Variants in RRAGD observed in about 807,000 individuals in gnomAD.
RRAGD encodes Ras related GTP binding D.
RRAGD carries 12 observed loss-of-function variants against 35.5 expected under a neutral mutation model. The ratio of observed to expected loss-of-function variants is 0.34; its 90% confidence interval spans 0.22 to 0.55. The LOEUF (loss-of-function observed/expected upper bound fraction) is 0.55, where lower values mean the gene tolerates loss of function less well. Ranked by LOEUF, RRAGD falls within the 20% of genes least tolerant of loss-of-function variation. The probability of loss-of-function intolerance (pLI) is 0.91; values close to 1 mark genes in which losing one functional copy is unlikely to be tolerated. For synonymous variants in RRAGD, 155 were observed against 178.9 expected (o/e 0.87, Z 1.07); for missense variants, 324 against 490.1 (o/e 0.66, Z 3.20).
In RRAGD at chr6:89,380,056, G is replaced by C. The variant is rs1471993319; in HGVS notation, c.644+112C>G. On this transcript the variant is annotated intron_variant, in intron 3 of 6. Coordinates refer to ENST00000369415, the MANE Select transcript of RRAGD (RefSeq NM_021244.5). ...CCTATCCATCTACAGCATGAAACAG[G>C]GTAAAAAGAAGGTAAATTACTGCCC... is the stretch of plus-strand genomic sequence containing the variant. The C allele has an allele frequency of 4.6e-6, 4 of 871,312 alleles. No homozygotes were observed. The East Asian group carries it at 7.3e-5, about 16-fold the overall frequency. 54.0% of individuals were successfully genotyped at this position (871,312 alleles called of 1,614,324 possible). A position where few individuals can be genotyped will look rare whatever the true frequency, so the allele number is the denominator to read the frequency against.
intron 1 of RRAGD, among the ~76,000 whole-genome samples, chr6:89,392,480 G>GAAAA (rs35934225): frequency 4.2e-5 from 6 of 142,078 alleles, no homozygotes; most frequent in South Asian, 2.2e-4. Context: ...ACCCTGTCTC[G>GAAAA]AAAAAAAAAA....
intron 1 of RRAGD, among the ~76,000 whole-genome samples, chr6:89,402,501 G>A (rs1013860649): frequency 6.6e-6 from 1 of 152,162 alleles, no homozygotes; most frequent in African/African-American, 2.4e-5. Flanking sequence ...GTGGAAACAG[G>A]ACTTGTGAGT....
intron 2 of RRAGD, 133 bp downstream of exon 2, chr6:89,387,162 T>C: frequency 1.1e-6 from 1 of 899,002 alleles, no homozygotes; most frequent in South Asian, 1.7e-5. Context: ...TTTGGCAAAG[T>C]CTGAGAGCCC....
intron 5 of RRAGD, among the ~76,000 whole-genome samples, chr6:89,376,312 T>G (rs59519142): frequency 1.4e-5 from 2 of 138,748 alleles, no homozygotes; most frequent in African/African-American, 5.6e-5. Flanking sequence ...TGTGTGTGTG[T>G]GTGTGTGTGT....
At chr6:89,396,688 G>A (rs1177081420) in intron 1 of RRAGD, among the ~76,000 whole-genome samples, 2 of 150,116 alleles carry the variant, frequency 1.3e-5, no homozygotes, top group African/African-American at 2.5e-5. Context: ...CAAAGTGCTG[G>A]GATTACAGGC....
At chr6:89,389,909 C>G (rs1404239239) in intron 1 of RRAGD, among the ~76,000 whole-genome samples, 1 of 152,118 alleles carries the variant, frequency 6.6e-6, no homozygotes, top group East Asian at 1.9e-4. Flanking sequence ...TAAATGAGAT[C>G]AAGGACCTAA....
chr6:89,394,359 G>A (rs561125769), intron 1 of RRAGD, among the ~76,000 whole-genome samples: 80 of 152,138 alleles, frequency 5.3e-4, no homozygotes, highest in African/African-American at 1.9e-3. Context: ...AATTACCTAT[G>A]AAAGAACTAG....
chr6:89,381,385 C>T (rs73752751), intron 2 of RRAGD, among the ~76,000 whole-genome samples: 147 of 152,286 alleles, frequency 9.7e-4, no homozygotes, highest in African/African-American at 3.4e-3. Context: ...CTTCCCATGC[C>T]TATATAATGA....
intron 1 of RRAGD, among the ~76,000 whole-genome samples, chr6:89,391,397 A>AT (rs1769230298): frequency 6.6e-6 from 1 of 152,010 alleles, no homozygotes; most frequent in African/African-American, 2.4e-5. Flanking sequence ...AAAAAAAAAA[A>AT]ATACAATGGA....
rs1582500566 is a variant in RRAGD at position 89,368,261 on chromosome 6, T to C, written c.1052-54A>G. The C allele has an allele frequency of 1.9e-6, 3 of 1,553,074 alleles. No individual in the cohort carries two copies. In the East Asian group the frequency reaches 6.7e-5, roughly 35 times the overall value. On this transcript the variant is annotated intron_variant, in intron 6 of 6. Coordinates refer to ENST00000369415, the MANE Select transcript of RRAGD (RefSeq NM_021244.5). ...ATGTCACGTAGAAATAATCTCCATC[T>C]TTTCATGGGACCCATGGCCAGGACA...
intron 6 of RRAGD, among the ~76,000 whole-genome samples, chr6:89,371,313 A>T (rs1360656216): frequency 6.6e-6 from 1 of 151,806 alleles, no homozygotes. Flanking sequence ...ACATGGTGAG[A>T]CCCCAATCTC....
chr6:89,396,728 A>ATTTTTTTTTTTTTTTT (rs1160973684), intron 1 of RRAGD, among the ~76,000 whole-genome samples: 1 of 76,392 alleles, frequency 1.3e-5, no homozygotes, highest in African/African-American at 7.6e-5. Flanking sequence ...CAATGACCCA[A>ATTTTTTTTTTTTTTTT]TTTTTTTTTT....
chr6:89,370,684 T>G (rs1277545432), intron 6 of RRAGD, among the ~76,000 whole-genome samples: 1 of 152,144 alleles, frequency 6.6e-6, no homozygotes, highest in East Asian at 1.9e-4. Context: ...CATAGATGTC[T>G]GAAAATAGAA....
chr6:89,374,762 T>C (rs1768908643), intron 5 of RRAGD, among the ~76,000 whole-genome samples: 2 of 150,752 alleles, frequency 1.3e-5, no homozygotes, highest in African/African-American at 2.4e-5. Flanking sequence ...TGGAAGTTCG[T>C]ATTTTTTGTT....
At chr6:89,380,415 A>G in intron 2 of RRAGD, 48 bp from the exon 3 acceptor site, 1 of 1,518,956 alleles carries the variant, frequency 6.6e-7, no homozygotes, top group Non-Finnish European at 9.1e-7. Flanking sequence ...TTGCTTCCTG[A>G]GCCTCCCACA....
intron 1 of RRAGD, among the ~76,000 whole-genome samples, chr6:89,399,864 A>G (rs1769422403): frequency 6.8e-6 from 1 of 147,762 alleles, no homozygotes; most frequent in Admixed American, 6.9e-5. Context: ...TCAGCCTCCC[A>G]AAGTGCTGGG....
chr6:89,397,248 A>T (rs1769354511), intron 1 of RRAGD, among the ~76,000 whole-genome samples: 1 of 152,232 alleles, frequency 6.6e-6, no homozygotes, highest in South Asian at 2.1e-4. Context: ...GTTGGCAAGG[A>T]TGTGGAGGTA....
At chr6:89,403,437 T>G (rs1769515581) in intron 1 of RRAGD, among the ~76,000 whole-genome samples, 2 of 150,420 alleles carry the variant, frequency 1.3e-5, no homozygotes, top group African/African-American at 4.9e-5. Flanking sequence ...AGAGCAAGAC[T>G]CTGTCAAAAA....
Position 89,405,328 on chromosome 6 carries a change from T to C in RRAGD, c.148+6518A>G, listed in dbSNP as rs1008204765. ...GAGATCGCACCACTGCACTCCAGCC[T>C]GGGTGACAGAGCAAGACTCCGTCTC... On this transcript the variant is annotated intron_variant, in intron 1 of 6. Transcript: ENST00000369415. Among the ~76,000 whole-genome samples, 29 of 116,878 alleles carry C rather than the reference T, an allele frequency of 2.5e-4. No individual in the cohort carries two copies. In the East Asian group the frequency reaches 6.2e-3, roughly 25 times the overall value. 76.7% of individuals were successfully genotyped at this position (116,878 alleles called of 152,430 possible). A position where few individuals can be genotyped will look rare whatever the true frequency, so the allele number is the denominator to read the frequency against.
Sources: gnomAD v4.1 joint callset for allele counts (sites outside exome capture counted in the v4.1 genomes callset) on GRCh38, gnomAD v4.1.1 for gene constraint, MANE v1.5 for transcripts, NCBI Gene and HGNC (gene_info 2026-07-23, HGNC 2026-07-21) for gene names.